Variants in SPATS2L observed in about 807,000 individuals in gnomAD.
SPATS2L encodes the protein spermatogenesis associated serine rich 2 like.
In SPATS2L, 30 loss-of-function variants were observed where a neutral mutation model predicts 59.6. The ratio of observed to expected loss-of-function variants is 0.50; its 90% CI spans 0.38 to 0.68. The LOEUF is 0.68. Ranked by LOEUF, SPATS2L falls within the 30% of genes least tolerant of loss-of-function variation. The pLI, the probability that SPATS2L is intolerant of heterozygous loss-of-function variation, is 0.00. For synonymous variants in SPATS2L, 252 were observed against 263.5 expected, an observed-to-expected ratio of 0.96 and a Z score of 0.42; for missense variants, 615 against 700.0, an observed-to-expected ratio of 0.88 and a Z score of 1.37.
intron 6 of SPATS2L, among the ~76,000 whole-genome samples, chr2:200,434,269 T>C (rs1475682056): frequency 6.6e-6 from 1 of 152,048 alleles, no homozygotes; most frequent in Non-Finnish European, 1.5e-5. Context: ...AAGAGAATTT[T>C]TAGAGTCTAA....
chr2:200,431,744 A>C (rs1213725794), intron 6 of SPATS2L, among the ~76,000 whole-genome samples: 1 of 152,246 alleles, frequency 6.6e-6, no homozygotes, highest in Non-Finnish European at 1.5e-5. Flanking sequence ...AGAAACTTTC[A>C]AATTTGAATA....
At chr2:200,388,217 G>A (rs1221487433) in intron 2 of SPATS2L, among the ~76,000 whole-genome samples, 1 of 152,078 alleles carries the variant, frequency 6.6e-6, no homozygotes, top group African/African-American at 2.4e-5. Context: ...GGCAGGAGAG[G>A]TGGCAGCTTT....
intron 2 of SPATS2L, among the ~76,000 whole-genome samples, chr2:200,387,686 A>C (rs1220084584): frequency 6.6e-6 from 1 of 152,224 alleles, no homozygotes; most frequent in African/African-American, 2.4e-5. Context: ...GGAGGTGGGT[A>C]CACTCTTTAT....
At chr2:200,355,268 C>G (rs1286482969) in intron 2 of SPATS2L, among the ~76,000 whole-genome samples, 1 of 152,338 alleles carries the variant, frequency 6.6e-6, no homozygotes, top group East Asian at 1.9e-4. Flanking sequence ...GCAAAAGACA[C>G]AGTTAGGGGG....
intron 10 of SPATS2L, among the ~76,000 whole-genome samples, chr2:200,467,605 C>T (rs1381466747): frequency 6.6e-6 from 1 of 152,192 alleles, no homozygotes; most frequent in African/African-American, 2.4e-5. Context: ...GAATGTGTTA[C>T]TCCAAAGGAG....
At chr2:200,468,544 C>CG (rs909452145) in intron 10 of SPATS2L, among the ~76,000 whole-genome samples, 4 of 152,154 alleles carry the variant, frequency 2.6e-5, no homozygotes, top group African/African-American at 9.7e-5. Context: ...GGCATGAAAG[C>CG]GGGCCCCATG....
chr2:200,426,939 C>T (rs1336195674), intron 6 of SPATS2L, among the ~76,000 whole-genome samples: 3 of 152,092 alleles, frequency 2.0e-5, no homozygotes, highest in Admixed American at 6.5e-5. Context: ...GAGACAGACA[C>T]AGGATGTAGT....
chr2:200,331,040 G>C lies in SPATS2L; in HGVS notation c.-23+1560G>C, dbSNP rs184059080. On this transcript the variant is annotated intron_variant, in intron 2 of 12. Transcript: ENST00000409140. ...GCTTTACTTTTATCTTTTTATGCTTGTACTGCAGACATCAGTGATTGAAAA... is the reference window on the plus strand; with the variant it reads ...GCTTTACTTTTATCTTTTTATGCTTCTACTGCAGACATCAGTGATTGAAAA... Among the ~76,000 whole-genome samples, 46 of 152,304 alleles carry C rather than the reference G, an allele frequency of 3.0e-4. No individual in the cohort carries two copies. The East Asian group carries it at 5.4e-3, about 18-fold the overall frequency.
At chr2:200,342,815 A>C (rs1395582211) in intron 2 of SPATS2L, among the ~76,000 whole-genome samples, 1 of 152,194 alleles carries the variant, frequency 6.6e-6, no homozygotes, top group Non-Finnish European at 1.5e-5. Flanking sequence ...CAAATATAGC[A>C]TGTGGTTATG....
chr2:200,363,753 A>G (rs1345838572), intron 2 of SPATS2L, among the ~76,000 whole-genome samples: 2 of 152,222 alleles, frequency 1.3e-5, no homozygotes, highest in East Asian at 3.8e-4. Flanking sequence ...GAAAAGTCTC[A>G]TTTCATTGGC....
At chr2:200,433,042 G>A (rs2084043512) in intron 6 of SPATS2L, among the ~76,000 whole-genome samples, 1 of 152,112 alleles carries the variant, frequency 6.6e-6, no homozygotes, top group East Asian at 1.9e-4. Flanking sequence ...AAGAAATAAT[G>A]GACACAGTTT....
At chr2:200,322,109 A>G (rs1243745934) in intron 1 of SPATS2L, among the ~76,000 whole-genome samples, 1 of 152,192 alleles carries the variant, frequency 6.6e-6, no homozygotes, top group Non-Finnish European at 1.5e-5. Flanking sequence ...TACTCAATAT[A>G]GTACCTCTTG....
intron 2 of SPATS2L, among the ~76,000 whole-genome samples, chr2:200,355,508 C>G (rs2080885035): frequency 6.6e-6 from 1 of 152,240 alleles, no homozygotes; most frequent in African/African-American, 2.4e-5. Flanking sequence ...ACACACAAAT[C>G]TCATATGCAT....
chr2:200,452,796 C>T (rs2085555401), intron 8 of SPATS2L, among the ~76,000 whole-genome samples: 2 of 152,112 alleles, frequency 1.3e-5, no homozygotes, highest in African/African-American at 4.8e-5. Flanking sequence ...AGTCTACATG[C>T]TGTGGACATG....
At chr2:200,437,673 T>C (rs1198794001) in intron 6 of SPATS2L, among the ~76,000 whole-genome samples, 1 of 152,244 alleles carries the variant, frequency 6.6e-6, no homozygotes, top group East Asian at 1.9e-4. Context: ...TTTTGTGTAC[T>C]GTGAGTAAAT....
chr2:200,448,891 T>A (rs897974846), intron 8 of SPATS2L, among the ~76,000 whole-genome samples: 21 of 152,166 alleles, frequency 1.4e-4, no homozygotes, highest in Non-Finnish European at 2.1e-4. Context: ...ATATGTATGG[T>A]TTCCATTGCT....
intron 2 of SPATS2L, among the ~76,000 whole-genome samples, chr2:200,347,103 C>T (rs2080537360): frequency 6.6e-6 from 1 of 152,140 alleles, no homozygotes; most frequent in Non-Finnish European, 1.5e-5. Context: ...TGCCATTCTT[C>T]CTTTATATAT....
chr2:200,459,705 T>C, intron 8 of SPATS2L, 64 bp from the exon 9 acceptor site: 1 of 1,226,736 alleles, frequency 8.2e-7, no homozygotes, highest in Non-Finnish European at 1.2e-6. Context: ...CTTTCAGTGC[T>C]TATTAAAAGT....
intron 1 of SPATS2L, among the ~76,000 whole-genome samples, chr2:200,322,282 G>T (rs546883314): frequency 6.6e-6 from 1 of 152,254 alleles, no homozygotes; most frequent in Non-Finnish European, 1.5e-5. Flanking sequence ...TAGTTGTACG[G>T]ACTAAGCCAG....
Sources: allele counts gnomAD v4.1 joint callset (sites outside exome capture counted in the v4.1 genomes callset), GRCh38; gene constraint gnomAD v4.1.1; transcripts MANE v1.5; gene names NCBI Gene and HGNC (gene_info 2026-07-23, HGNC 2026-07-21).